The following WDR70 variants were observed in gnomAD, a reference collection of about 807,000 sequenced individuals.
The protein encoded by WDR70 is WD repeat-containing protein 70.
A neutral mutation model predicts 88.6 loss-of-function variants in WDR70; 53 were observed. That is an observed-to-expected ratio of 0.60 (90% CI 0.48 to 0.75). WDR70 has a LOEUF of 0.75. Ranked by LOEUF, WDR70 falls within the 30% of genes least tolerant of loss-of-function variation. The pLI is 0.00. For missense variants in WDR70, 610 were observed against 823.2 expected (o/e 0.74, Z 3.17); for synonymous variants, 280 against 270.0 (o/e 1.04, Z -0.36).
At chr5:37,595,675 C>T (rs540965604) in intron 9 of WDR70, among the ~76,000 whole-genome samples, 1 of 152,294 alleles carries the variant, frequency 6.6e-6, no homozygotes, top group South Asian at 2.1e-4. Context: ...ACTTACTTTA[C>T]TCAGGTCACA....
chr5:37,547,291 G>A (rs2112341264), intron 9 of WDR70, among the ~76,000 whole-genome samples: 1 of 152,270 alleles, frequency 6.6e-6, no homozygotes. Context: ...TGTGGACTTT[G>A]CAGTTCTTGA....
intron 7 of WDR70, among the ~76,000 whole-genome samples, chr5:37,477,416 G>C (rs917850598): frequency 6.6e-6 from 1 of 151,948 alleles, no homozygotes; most frequent in Non-Finnish European, 1.5e-5. Flanking sequence ...ACTTATTACC[G>C]TTTTTTCATA....
intron 9 of WDR70, among the ~76,000 whole-genome samples, chr5:37,579,117 A>C (rs1314893315): frequency 6.6e-6 from 1 of 152,122 alleles, no homozygotes; most frequent in Non-Finnish European, 1.5e-5. Context: ...AAGGTTGTGG[A>C]TTTTTGTCTG....
At chr5:37,638,318 A>T (rs1745024915) in intron 10 of WDR70, among the ~76,000 whole-genome samples, 1 of 152,204 alleles carries the variant, frequency 6.6e-6, no homozygotes, top group Admixed American at 6.5e-5. Flanking sequence ...TAGTTAAGTC[A>T]TTATAGTACA....
intron 9 of WDR70, among the ~76,000 whole-genome samples, chr5:37,593,305 C>T (rs1581420377): frequency 6.6e-6 from 1 of 152,170 alleles, no homozygotes; most frequent in African/African-American, 2.4e-5. Flanking sequence ...TATCCCTCCC[C>T]CTGCTCCCCA....
chr5:37,394,464 A>C (rs1748947828), intron 4 of WDR70, among the ~76,000 whole-genome samples: 1 of 152,180 alleles, frequency 6.6e-6, no homozygotes, highest in South Asian at 2.1e-4. Flanking sequence ...GAGATATAGC[A>C]ATTAGCAAGT....
At chr5:37,389,556 C>T (rs754448560) in intron 3 of WDR70, among the ~76,000 whole-genome samples, 16 of 151,450 alleles carry the variant, frequency 1.1e-4, no homozygotes, top group African/African-American at 3.4e-4. Flanking sequence ...GGACTACAGG[C>T]GGCTGCCACC....
At chr5:37,689,954 A>G (rs1244642811) in intron 10 of WDR70, among the ~76,000 whole-genome samples, 1 of 152,216 alleles carries the variant, frequency 6.6e-6, no homozygotes, top group African/African-American at 2.4e-5. Context: ...AAGGAAGCTA[A>G]AAACCTCGAA....
At chr5:37,620,413 A>G (rs1053280374) in intron 10 of WDR70, among the ~76,000 whole-genome samples, 22 of 152,300 alleles carry the variant, frequency 1.4e-4, no homozygotes, top group African/African-American at 5.1e-4. Context: ...TTTTATTCTG[A>G]AAAACAGTTT....
intron 8 of WDR70, chr5:37,506,819 C>G (rs11541547): frequency 1.5e-6 from 2 of 1,327,332 alleles, no homozygotes; most frequent in Non-Finnish European, 2.2e-6. Flanking sequence ...CCTTTCCGTT[C>G]TTGGGGGCTG....
rs575997096 is a variant in WDR70 at position 37,380,744 on chromosome 5, C to T, written c.92-858C>T. Among the ~76,000 whole-genome samples, 7 of 152,262 alleles carry T rather than the reference C, an allele frequency of 4.6e-5. No individual in the cohort carries two copies. In the East Asian group the frequency reaches 1.4e-3, roughly 29 times the overall value. ...CTCATTGCAGCCTCCTCCTCCCAGG[C>T]TTAAGCCATCCTCCCACCTTAGTCT... On this transcript the variant is annotated intron_variant, in intron 2 of 17. Coordinates refer to ENST00000265107, the MANE Select transcript of WDR70 (RefSeq NM_018034.4).
intron 5 of WDR70, among the ~76,000 whole-genome samples, chr5:37,413,677 G>T (rs187751144): frequency 6.9e-6 from 1 of 144,892 alleles, no homozygotes. Flanking sequence ...AGCCGAGATC[G>T]CACCACTGCA....
intron 10 of WDR70, among the ~76,000 whole-genome samples, chr5:37,690,467 G>A (rs1158039301): frequency 2.6e-5 from 4 of 152,126 alleles, no homozygotes; most frequent in East Asian, 1.9e-4. Context: ...AAGAAAGATC[G>A]GGTTAACCAC....
rs143155417 is a variant in WDR70 at position 37,457,858 on chromosome 5, C to G, written c.686+14486C>G. On this transcript the variant is annotated intron_variant, in intron 7 of 17. Coordinates refer to ENST00000265107, the MANE Select transcript of WDR70 (RefSeq NM_018034.4). ...TTTAAAGGGTTGTGAACTTCCAACA[C>G]TATGTTGAATAGGAGCGGTGAGAGA... is the stretch of plus-strand genomic sequence containing the variant. Among the ~76,000 whole-genome samples, 1,243 of 152,134 alleles carry G rather than the reference C, an allele frequency of 8.2e-3. 9 individuals are homozygous for G. The highest frequency in any genetic ancestry group is 0.02 in the African/African-American group (843 of 41,490).
intron 9 of WDR70, among the ~76,000 whole-genome samples, chr5:37,576,723 T>C (rs1272925547): frequency 1.3e-5 from 2 of 151,542 alleles, no homozygotes; most frequent in Non-Finnish European, 2.9e-5. Flanking sequence ...ATGATCATTT[T>C]AGGAAGGTCC....
intron 7 of WDR70, among the ~76,000 whole-genome samples, chr5:37,463,997 G>T (rs770504453): frequency 7.2e-5 from 11 of 152,210 alleles, no homozygotes. Flanking sequence ...ATTAGTGTGG[G>T]ATCACTGAAA....
chr5:37,501,861 T>C (rs1185854197), intron 8 of WDR70, among the ~76,000 whole-genome samples: 1 of 152,176 alleles, frequency 6.6e-6, no homozygotes, highest in Non-Finnish European at 1.5e-5. Context: ...CAATATAATT[T>C]GGAGTTAGGT....
intron 10 of WDR70, among the ~76,000 whole-genome samples, chr5:37,640,337 C>T (rs538813031): frequency 1.6e-3 from 239 of 152,260 alleles, no homozygotes; most frequent in Admixed American, 2.7e-3. Flanking sequence ...ACATTCCTGA[C>T]GGTTGCTGTC....
At chr5:37,463,014 G>A (rs78015088) in intron 7 of WDR70, among the ~76,000 whole-genome samples, 25,854 of 151,898 alleles carry the variant, frequency 0.17, 2,406 homozygotes, top group South Asian at 0.27. Flanking sequence ...TGGCTCATGC[G>A]TATAATCCCA....
Sources: allele counts gnomAD v4.1 joint callset (sites outside exome capture counted in the v4.1 genomes callset), GRCh38; gene constraint gnomAD v4.1.1; transcripts MANE v1.5; gene names NCBI Gene and HGNC (gene_info 2026-07-23, HGNC 2026-07-21).